Variants in SYTL3 observed in about 807,000 individuals in gnomAD.
SYTL3 encodes the protein synaptotagmin-like protein 3.
Under a neutral mutation model 82.1 loss-of-function variants are expected in SYTL3, and 88 were observed. The observed-to-expected ratio is 1.07, with a 90% confidence interval of 0.90 to 1.28. The LOEUF is 1.28. Ranked by LOEUF, SYTL3 falls within the 50% of genes most tolerant of loss-of-function variation. The pLI, the probability that SYTL3 is intolerant of heterozygous loss-of-function variation, is 0.00. For missense variants in SYTL3, 831 were observed against 757.6 expected, an observed-to-expected ratio of 1.10 and a Z score of -1.14; for synonymous variants, 311 against 289.4, an observed-to-expected ratio of 1.07 and a Z score of -0.76.
At chr6:158,758,926 G>A (rs1047950723) in intron 14 of SYTL3, among the ~76,000 whole-genome samples, 9 of 152,158 alleles carry the variant, frequency 5.9e-5, no homozygotes, top group South Asian at 2.1e-4. Flanking sequence ...GCCACGTTGC[G>A]GGTGGGTGAA....
chr6:158,732,507 G>A (rs1250231969), intron 11 of SYTL3, among the ~76,000 whole-genome samples: 12 of 152,348 alleles, frequency 7.9e-5, no homozygotes, highest in East Asian at 3.9e-4. Context: ...TCGACAAGAC[G>A]TAGACTGCAT....
intron 11 of SYTL3, among the ~76,000 whole-genome samples, chr6:158,739,515 T>C (rs1292868863): frequency 1.3e-5 from 2 of 152,220 alleles, no homozygotes; most frequent in African/African-American, 4.8e-5. Flanking sequence ...TTTTTCTCTA[T>C]ATGAGAGTCC....
chr6:158,735,412 A>G (rs563947097), intron 11 of SYTL3, among the ~76,000 whole-genome samples: 16 of 152,216 alleles, frequency 1.1e-4, no homozygotes, highest in Non-Finnish European at 2.1e-4. Context: ...GTCTATTCTC[A>G]CCCATTTTTC....
rs1191630815 is a variant in SYTL3, at chr6:158,693,851, T to TTTTCTTTTCTTTTC, written c.394+10870_394+10871insCTTTTCTTTCTTTT. Reference sequence around the variant, plus strand: ...CCACTGCATCCAGCCTTTCTTTTTCTTTTCTTTTTTTTTTTTTTTTTTGTA... The same window carrying TTTTCTTTTCTTTTC: ...CCACTGCATCCAGCCTTTCTTTTTCTTTTCTTTTCTTTTCTTTCTTTTTTTTTTTTTTTTTTGTA... On this transcript the variant is annotated intron_variant, in intron 6 of 17. Transcript: ENST00000611299. 3.5e-3 allele frequency among the ~76,000 whole-genome samples: 268 copies of TTTTCTTTTCTTTTC among 77,578 alleles called. 17 individuals carry two copies. Among genetic ancestry groups the TTTTCTTTTCTTTTC allele is most frequent in the African/African-American group, 0.028 (249 of 8,898 alleles). 50.9% of individuals were successfully genotyped at this position (77,578 alleles called of 152,430 possible).
At chr6:158,700,094 A>G (rs1429557089) in intron 6 of SYTL3, among the ~76,000 whole-genome samples, 1 of 151,880 alleles carries the variant, frequency 6.6e-6, no homozygotes, top group African/African-American at 2.4e-5. Flanking sequence ...CTTCTCTACT[A>G]AGAAATACAA....
Position 158,707,211 on chromosome 6 carries a change from CTA to C in SYTL3, c.395-17_395-16del, listed in dbSNP as rs772299001. On this transcript the variant is annotated splice_polypyrimidine_tract_variant and intron_variant, in intron 6 of 17. Coordinates refer to ENST00000611299, the MANE Select transcript of SYTL3 (RefSeq NM_001242394.2). ...TGCTATTCTTAATAATAAACGCCCT[CTA>C]TGGATATCTCTCGCAGGCAAACATG... 4 of 1,613,232 alleles carry C rather than the reference CTA, an allele frequency of 2.5e-6. No homozygotes were observed. Among genetic ancestry groups the C allele is most frequent in the Non-Finnish European group, 3.4e-6 (4 of 1,179,776 alleles).
chr6:158,744,223 G>A (rs1168966003), intron 11 of SYTL3, among the ~76,000 whole-genome samples: 1 of 150,326 alleles, frequency 6.7e-6, no homozygotes, highest in African/African-American at 2.4e-5. Context: ...GGTCTCAGTT[G>A]CTGTTTTTTT....
rs1239054548 is a variant in SYTL3 at position 158,705,469 on chromosome 6, GACCT to G, written c.395-1760_395-1757del. On this transcript the variant is annotated intron_variant, in intron 6 of 17. Coordinates refer to ENST00000611299, the MANE Select transcript of SYTL3 (RefSeq NM_001242394.2). ...CCGTAAGGTCACATAGGGCAGGAGG[GACCT>G]GGGGACAGGGTGACAGGGCTATAAG... is the stretch of plus-strand genomic sequence containing the variant. 2.3e-3 allele frequency among the ~76,000 whole-genome samples: 261 copies of G among 114,384 alleles called. 6 individuals carry two copies. Among genetic ancestry groups the G allele is most frequent in the Non-Finnish European group, 2.9e-3 (146 of 49,778 alleles). The allele number at this position is 114,384 out of a possible 152,430, so 75.0% of individuals were successfully genotyped here.
chr6:158,713,006 C>T (rs552167470), intron 8 of SYTL3, among the ~76,000 whole-genome samples: 11 of 152,142 alleles, frequency 7.2e-5, no homozygotes, highest in South Asian at 2.1e-4. Flanking sequence ...GTGATCCGCC[C>T]GCCTCGGGCT....
Position 158,746,997 on chromosome 6 carries a change from G to GT in SYTL3, c.1034+1346dup, listed in dbSNP as rs1307362446. Among the ~76,000 whole-genome samples, 8 of 151,620 alleles carry GT rather than the reference G, an allele frequency of 5.3e-5. No individual in the cohort carries two copies. In the East Asian group the frequency reaches 1.2e-3, roughly 22 times the overall value. ...TTGCCACTTAGGTTTATTTTATTTT[G>GT]TTTTTTTGAGACGGAGTCTTGCTCT... On this transcript the variant is annotated intron_variant, in intron 12 of 17. Transcript: ENST00000611299.
Position 158,713,785 on chromosome 6 carries a change from C to T in SYTL3, c.517-15C>T. 6.5e-7 allele frequency: 1 copy of T among 1,528,666 alleles called. No homozygotes were observed. The highest frequency in any genetic ancestry group is 2.4e-5 in the East Asian group (1 of 40,818). 94.7% of individuals were successfully genotyped at this position (1,528,666 alleles called of 1,614,324 possible). ...CAAGCATAATTCTCATTCTCTCCTT[C>T]TGTCTCTGTTTTAGTTACAGGAATT... On this transcript the variant is annotated splice_polypyrimidine_tract_variant and intron_variant, in intron 8 of 17. Transcript: ENST00000611299.
chr6:158,762,047 T>C (rs971949943), intron 15 of SYTL3, 29 bp from the exon 16 acceptor site: 8 of 1,540,846 alleles, frequency 5.2e-6, no homozygotes, highest in Non-Finnish European at 7.2e-6. Flanking sequence ...GAGACATGGT[T>C]TGACAGTGAA....
chr6:158,734,069 T>A (rs1470770956), intron 11 of SYTL3, among the ~76,000 whole-genome samples: 1 of 116,828 alleles, frequency 8.6e-6, no homozygotes. Flanking sequence ...CACTCCAGCA[T>A]GGGCAACAGA....
intron 5 of SYTL3, among the ~76,000 whole-genome samples, chr6:158,674,478 T>C (rs1777803445): frequency 6.6e-6 from 1 of 152,196 alleles, no homozygotes; most frequent in Admixed American, 6.5e-5. Flanking sequence ...CTGGACTCCA[T>C]GTACCCTGAC....
intron 9 of SYTL3, among the ~76,000 whole-genome samples, chr6:158,717,569 A>G (rs73797090): frequency 0.027 from 4,101 of 152,264 alleles, 190 homozygotes; most frequent in African/African-American, 0.093. Context: ...CACTGTAAAA[A>G]TGAAACAAAT....
At chr6:158,695,882 G>A (rs945319246) in intron 6 of SYTL3, among the ~76,000 whole-genome samples, 3 of 152,186 alleles carry the variant, frequency 2.0e-5, no homozygotes, top group Non-Finnish European at 4.4e-5. Flanking sequence ...TGGATGAATA[G>A]TATTCTGTGT....
At chr6:158,719,293 G>T (rs924396323) in intron 10 of SYTL3, among the ~76,000 whole-genome samples, 1 of 152,138 alleles carries the variant, frequency 6.6e-6, no homozygotes, top group African/African-American at 2.4e-5. Context: ...TACATGTAAA[G>T]AAATGGAGGT....
intron 2 of SYTL3, among the ~76,000 whole-genome samples, chr6:158,652,716 AT>A (rs1445883374): frequency 6.6e-6 from 1 of 151,576 alleles, no homozygotes; most frequent in Non-Finnish European, 1.5e-5. Flanking sequence ...TAATTTTTGT[AT>A]TTTTAGTAAA....
intron 6 of SYTL3, among the ~76,000 whole-genome samples, chr6:158,699,964 A>T (rs1780992244): frequency 6.7e-6 from 1 of 149,266 alleles, no homozygotes. Flanking sequence ...AGAATAATAA[A>T]AAATAAATAG....
Sources: allele counts gnomAD v4.1 joint callset (sites outside exome capture counted in the v4.1 genomes callset), GRCh38; gene constraint gnomAD v4.1.1; transcripts MANE v1.5; gene names NCBI Gene and HGNC (gene_info 2026-07-23, HGNC 2026-07-21).